RAPGEF2: variants seen among roughly 807,000 people sequenced by gnomAD.
RAPGEF2 encodes the protein Rap guanine nucleotide exchange factor 2.
A neutral mutation model predicts 186.7 loss-of-function variants in RAPGEF2; 54 were observed. That is an observed-to-expected ratio of 0.29 (90% CI 0.23 to 0.36). The LOEUF (loss-of-function observed/expected upper bound fraction) is 0.36, where lower values mean the gene tolerates loss of function less well. RAPGEF2 is among the 10% of genes least tolerant of loss of function. The pLI, the probability that RAPGEF2 is intolerant of heterozygous loss-of-function variation, is 1.00. For synonymous variants in RAPGEF2, 712 were observed against 705.9 expected (o/e 1.01, Z -0.14); for missense variants, 1,532 against 2,045.0 (o/e 0.75, Z 4.84).
At chr4:159,205,689 C>G (rs754131885) in intron 3 of RAPGEF2, among the ~76,000 whole-genome samples, 1 of 152,262 alleles carries the variant, frequency 6.6e-6, no homozygotes, top group Non-Finnish European at 1.5e-5. Context: ...TCTTTGCTTT[C>G]TTTTCTGCTC....
rs10562531 is a variant in RAPGEF2, at chr4:159,340,779, CCACACACA to C, written c.2535-757_2535-750del. 9.3e-3 allele frequency among the ~76,000 whole-genome samples: 982 copies of C among 106,108 alleles called. 56 individuals carry two copies. The highest frequency in any genetic ancestry group is 0.026 in the African/African-American group (663 of 25,476). 69.6% of individuals were successfully genotyped at this position (106,108 alleles called of 152,430 possible). ...AAAACAAAAAATACCACCACCATCA[CCACACACA>C]CACACACACACACACACACACACAC... On this transcript the variant is annotated intron_variant, in intron 19 of 29. Transcript: ENST00000691494.
intron 7 of RAPGEF2, among the ~76,000 whole-genome samples, chr4:159,251,503 C>G (rs563189684): frequency 1.3e-5 from 2 of 152,012 alleles, no homozygotes; most frequent in South Asian, 2.1e-4. Context: ...CACTCTGTAT[C>G]CAGCTAATCT....
chr4:159,104,321 T>G, intron 1 of RAPGEF2, 90 bp downstream of exon 1: 1 of 484,072 alleles, frequency 2.1e-6, no homozygotes, highest in Non-Finnish European at 3.4e-6. Flanking sequence ...CCTGACACAG[T>G]TCGCCCCGAG....
intron 7 of RAPGEF2, among the ~76,000 whole-genome samples, chr4:159,296,495 C>A (rs1182044223): frequency 6.6e-6 from 1 of 152,140 alleles, no homozygotes; most frequent in African/African-American, 2.4e-5. Context: ...AAGTTTAATG[C>A]TTAAGTGTGT....
At chr4:159,160,296 C>A (rs1293612075) in intron 1 of RAPGEF2, among the ~76,000 whole-genome samples, 1 of 152,128 alleles carries the variant, frequency 6.6e-6, no homozygotes, top group Non-Finnish European at 1.5e-5. Context: ...AGGCACTGTG[C>A]TTTATATTTT....
intron 17 of RAPGEF2, among the ~76,000 whole-genome samples, chr4:159,338,025 C>A (rs1348607712): frequency 1.3e-5 from 2 of 151,640 alleles, no homozygotes; most frequent in African/African-American, 4.8e-5. Flanking sequence ...GAGGCCACAG[C>A]AGGAGGATCA....
intron 20 of RAPGEF2, among the ~76,000 whole-genome samples, chr4:159,342,231 C>CT (rs1729570346): frequency 3.3e-5 from 5 of 151,292 alleles, no homozygotes; most frequent in South Asian, 4.2e-4. Context: ...ATATCCCCCA[C>CT]TTTTTTTTTA....
intron 17 of RAPGEF2, among the ~76,000 whole-genome samples, chr4:159,335,473 C>T (rs1561301803): frequency 6.6e-6 from 1 of 152,092 alleles, no homozygotes; most frequent in Non-Finnish European, 1.5e-5. Flanking sequence ...GTCTGGATGA[C>T]AGAGATGTAG....
Position 159,104,066 on chromosome 4 carries a change from G to GGCGC in RAPGEF2, c.-94_-93insCGCG, listed in dbSNP as rs1737496904. The GGCGC allele has an allele frequency of 1.1e-5, 7 of 660,562 alleles. No homozygotes were observed. The highest frequency in any genetic ancestry group is 6.8e-5 in the South Asian group (1 of 14,646). 40.9% of individuals were successfully genotyped at this position (660,562 alleles called of 1,614,324 possible). A position where few individuals can be genotyped will look rare whatever the true frequency, so the allele number is the denominator to read the frequency against. ...TTGGCTGATTAGTCGCGGGCGGGCGGGCGGGCGCAGCGCGCAGGGCGGAGG... is the reference window on the plus strand; with the variant it reads ...TTGGCTGATTAGTCGCGGGCGGGCGGGCGCGCGGGCGCAGCGCGCAGGGCGGAGG... On this transcript the variant is annotated 5_prime_UTR_variant, in exon 1 of 30. Coordinates refer to ENST00000691494, the MANE Select transcript of RAPGEF2 (RefSeq NM_001394067.2).
intron 3 of RAPGEF2, among the ~76,000 whole-genome samples, chr4:159,200,562 GT>G (rs1375256556): frequency 6.6e-6 from 1 of 150,460 alleles, no homozygotes; most frequent in Admixed American, 6.6e-5. Context: ...AGTTTACATT[GT>G]TTGCTAGTTA....
intron 13 of RAPGEF2, 130 bp downstream of exon 13, chr4:159,330,628 A>G: frequency 1.5e-6 from 1 of 651,732 alleles, no homozygotes. Context: ...TTCTGAAGCA[A>G]AAAAAAACAA....
chr4:159,130,465 G>A lies in RAPGEF2; in HGVS notation c.69+26234G>A, dbSNP rs148528092. ...TGCAGTGTTAAATTCTTGAGCTCAAGTGATCCTCCCACCTCAGCCCCCCAA... is the reference window on the plus strand; with the variant it reads ...TGCAGTGTTAAATTCTTGAGCTCAAATGATCCTCCCACCTCAGCCCCCCAA... On this transcript the variant is annotated intron_variant, in intron 1 of 29. Transcript: ENST00000691494. Among the ~76,000 whole-genome samples the A allele has an allele frequency of 3.0e-3, 459 of 152,302 alleles. 3 individuals are homozygous for A. Among genetic ancestry groups the A allele is most frequent in the African/African-American group, 0.01 (427 of 41,574 alleles).
At chr4:159,224,892 G>T (rs1335593666) in intron 4 of RAPGEF2, among the ~76,000 whole-genome samples, 1 of 152,118 alleles carries the variant, frequency 6.6e-6, no homozygotes, top group African/African-American at 2.4e-5. Context: ...GTGACTGAAG[G>T]TTCAGACAAG....
At position 159,294,696 on chromosome 4, in the gene RAPGEF2, G is replaced by A. The variant is rs991345791; in HGVS notation, c.544-9646G>A. Among the ~76,000 whole-genome samples the A allele has an allele frequency of 9.0e-5, 7 of 77,438 alleles. No homozygotes were observed. The East Asian group carries it at 2.9e-3, about 32-fold the overall frequency. The allele number at this position is 77,438 out of a possible 152,430, so 50.8% of individuals were successfully genotyped here. A position where few individuals can be genotyped will look rare whatever the true frequency, so the allele number is the denominator to read the frequency against. Reference sequence around the variant, plus strand: ...CTTCCTTCCTTCCTTCCTTCTTTCCGTCCGTCTGTCCGTCCTTCCATCCTT... The same window carrying A: ...CTTCCTTCCTTCCTTCCTTCTTTCCATCCGTCTGTCCGTCCTTCCATCCTT... On this transcript the variant is annotated intron_variant, in intron 7 of 29. Coordinates refer to ENST00000691494, the MANE Select transcript of RAPGEF2 (RefSeq NM_001394067.2).
At chr4:159,204,257 A>T (rs1052253377) in intron 3 of RAPGEF2, among the ~76,000 whole-genome samples, 4 of 152,256 alleles carry the variant, frequency 2.6e-5, no homozygotes, top group Non-Finnish European at 5.9e-5. Flanking sequence ...TTTGGAAAAC[A>T]GTGAGTGAGA....
intron 1 of RAPGEF2, among the ~76,000 whole-genome samples, chr4:159,139,798 T>C (rs1489294473): frequency 2.6e-5 from 4 of 152,222 alleles, no homozygotes; most frequent in Non-Finnish European, 5.9e-5. Context: ...TTTTGCATCC[T>C]GTTTATTAAA....
chr4:159,168,915 T>C (rs901871701), intron 1 of RAPGEF2, among the ~76,000 whole-genome samples: 7 of 152,218 alleles, frequency 4.6e-5, no homozygotes, highest in Non-Finnish European at 7.3e-5. Context: ...AAAGCATTTG[T>C]GAATTTGGGA....
chr4:159,344,187 A>T, intron 23 of RAPGEF2, 128 bp downstream of exon 23: 1 of 930,024 alleles, frequency 1.1e-6, no homozygotes, highest in South Asian at 1.6e-5. Context: ...GTGCTGTAGC[A>T]GAATTTCAGA....
At chr4:159,243,163 T>C (rs1242423123) in intron 6 of RAPGEF2, among the ~76,000 whole-genome samples, 1 of 151,718 alleles carries the variant, frequency 6.6e-6, no homozygotes, top group Non-Finnish European at 1.5e-5. Context: ...AGCCAGCAGA[T>C]ACTTTTAGGG....
Sources: allele counts gnomAD v4.1 joint callset (sites outside exome capture counted in the v4.1 genomes callset), GRCh38; gene constraint gnomAD v4.1.1; transcripts MANE v1.5; gene names NCBI Gene and HGNC (gene_info 2026-07-23, HGNC 2026-07-21).